Variants in SGCZ observed in about 807,000 individuals in gnomAD.
The protein encoded by SGCZ is zeta-sarcoglycan.
Under a neutral mutation model 41.3 loss-of-function variants are expected in SGCZ, and 40 were observed. The ratio of observed to expected loss-of-function variants is 0.97; its 90% CI spans 0.75 to 1.26. SGCZ has a LOEUF of 1.26. Among genes scored for constraint, SGCZ ranks in the 50% most tolerant of loss-of-function variants. The pLI is 0.00. For missense variants in SGCZ, 552 were observed against 369.8 expected (o/e 1.49, Z -4.04); for synonymous variants, 206 against 137.5 (o/e 1.50, Z -3.49).
chr8:14,609,001 A>G (rs151165433), intron 1 of SGCZ, among the ~76,000 whole-genome samples: 6 of 152,368 alleles, frequency 3.9e-5, no homozygotes, highest in Admixed American at 3.3e-4. Flanking sequence ...AAAATTTATT[A>G]TTATGTTGCA....
intron 2 of SGCZ, among the ~76,000 whole-genome samples, chr8:14,391,302 T>G (rs1414974738): frequency 6.6e-6 from 1 of 152,160 alleles, no homozygotes; most frequent in Non-Finnish European, 1.5e-5. Context: ...TTTTTTTTCC[T>G]TCTTATAAAA....
intron 1 of SGCZ, among the ~76,000 whole-genome samples, chr8:14,642,344 T>C (rs1334608847): frequency 6.6e-6 from 1 of 151,644 alleles, no homozygotes; most frequent in African/African-American, 2.4e-5. Context: ...CATCTCCTTG[T>C]TAAGTCAGAA....
At chr8:14,328,617 A>G (rs1432869184) in intron 2 of SGCZ, among the ~76,000 whole-genome samples, 3 of 152,156 alleles carry the variant, frequency 2.0e-5, no homozygotes, top group Non-Finnish European at 2.9e-5. Flanking sequence ...GTCTTATAAA[A>G]ACTCATGTTA....
At chr8:14,896,416 T>G (rs1404168988) in intron 1 of SGCZ, among the ~76,000 whole-genome samples, 1 of 151,404 alleles carries the variant, frequency 6.6e-6, no homozygotes, top group African/African-American at 2.4e-5. Flanking sequence ...CTACATTTCA[T>G]GTTGACTCAT....
At chr8:14,294,442 C>G (rs1468767438) in intron 3 of SGCZ, among the ~76,000 whole-genome samples, 2 of 151,882 alleles carry the variant, frequency 1.3e-5, no homozygotes, top group Non-Finnish European at 2.9e-5. Flanking sequence ...TGGAAACTTA[C>G]AACTAGAAAC....
chr8:14,247,361 T>C (rs369536122), intron 3 of SGCZ, among the ~76,000 whole-genome samples: 29 of 152,284 alleles, frequency 1.9e-4, no homozygotes, highest in African/African-American at 6.5e-4. Context: ...ACGGATGGTA[T>C]TGATGAATAT....
At chr8:14,390,256 G>A (rs1354307122) in intron 2 of SGCZ, among the ~76,000 whole-genome samples, 2 of 151,540 alleles carry the variant, frequency 1.3e-5, no homozygotes, top group Admixed American at 1.3e-4. Context: ...TATAGAAAGG[G>A]CAATAACATG....
intron 2 of SGCZ, among the ~76,000 whole-genome samples, chr8:14,461,896 C>T (rs781472590): frequency 1.4e-4 from 22 of 152,010 alleles, no homozygotes; most frequent in African/African-American, 2.4e-4. Flanking sequence ...CTGGACATAA[C>T]ATATTGATTT....
chr8:14,834,142 G>C (rs1314922678), intron 1 of SGCZ, among the ~76,000 whole-genome samples: 1 of 152,084 alleles, frequency 6.6e-6, no homozygotes, highest in Non-Finnish European at 1.5e-5. Flanking sequence ...TTCTCACTAT[G>C]TCATTGTAAA....
At chr8:14,446,061 C>A (rs963825181) in intron 2 of SGCZ, among the ~76,000 whole-genome samples, 1 of 152,108 alleles carries the variant, frequency 6.6e-6, no homozygotes, top group African/African-American at 2.4e-5. Context: ...AAGAAGGGGA[C>A]AAGAAAAATC....
At chr8:15,224,021 A>AT (rs1384653453) in intron 1 of SGCZ, among the ~76,000 whole-genome samples, 1 of 151,862 alleles carries the variant, frequency 6.6e-6, no homozygotes, top group African/African-American at 2.4e-5. Context: ...CACCCAGCTA[A>AT]TTTTTTGTAT....
intron 1 of SGCZ, among the ~76,000 whole-genome samples, chr8:14,791,027 T>C (rs1250651109): frequency 7.0e-6 from 1 of 142,084 alleles, no homozygotes; most frequent in South Asian, 2.2e-4. Flanking sequence ...TGAGACTCTG[T>C]CTCAAAAAAA....
At chr8:14,827,385 C>A (rs1480949464) in intron 1 of SGCZ, among the ~76,000 whole-genome samples, 2 of 151,950 alleles carry the variant, frequency 1.3e-5, no homozygotes, top group Non-Finnish European at 2.9e-5. Context: ...TACAGGCATG[C>A]ACCACCATGC....
At chr8:14,815,262 T>C (rs1225434641) in intron 1 of SGCZ, among the ~76,000 whole-genome samples, 1 of 151,238 alleles carries the variant, frequency 6.6e-6, no homozygotes, top group Non-Finnish European at 1.5e-5. Context: ...TTTTGAAATT[T>C]AGAAGCAAAT....
chr8:14,620,134 A>C (rs1201049501), intron 1 of SGCZ, among the ~76,000 whole-genome samples: 1 of 152,074 alleles, frequency 6.6e-6, no homozygotes, highest in Non-Finnish European at 1.5e-5. Context: ...AAATAATACC[A>C]CACATCTACA....
intron 1 of SGCZ, among the ~76,000 whole-genome samples, chr8:15,122,874 A>C (rs947017945): frequency 4.6e-5 from 7 of 152,186 alleles, no homozygotes; most frequent in African/African-American, 1.7e-4. Flanking sequence ...AAAATGCACA[A>C]ATGTGACATA....
rs1029105575 is a variant in SGCZ at position 14,246,191 on chromosome 8, C to A, written c.337-8512G>T. ...TATTCACAATAGCAAAGACTTGGAA[C>A]CAAACCAAATGTCCAACAATGATAG... On this transcript the variant is annotated intron_variant, in intron 3 of 7. Transcript: ENST00000382080. Among the ~76,000 whole-genome samples, 3 of 152,194 alleles carry A rather than the reference C, an allele frequency of 2.0e-5. 1 individual carries two copies. The Middle Eastern group carries it at 0.01, about 518-fold the overall frequency.
At chr8:14,927,731 A>G (rs1249926081) in intron 1 of SGCZ, among the ~76,000 whole-genome samples, 1 of 152,176 alleles carries the variant, frequency 6.6e-6, no homozygotes, top group Non-Finnish European at 1.5e-5. Flanking sequence ...GAAAAAGAAT[A>G]CATTCATTGA....
chr8:14,482,185 TA>T (rs1801553062), intron 2 of SGCZ, among the ~76,000 whole-genome samples: 1 of 152,188 alleles, frequency 6.6e-6, no homozygotes, highest in South Asian at 2.1e-4. Context: ...CTGGTTCTAA[TA>T]TCTAACTTCC....
Sources: allele counts gnomAD v4.1 joint callset (sites outside exome capture counted in the v4.1 genomes callset), GRCh38; gene constraint gnomAD v4.1.1; transcripts MANE v1.5; gene names NCBI Gene and HGNC (gene_info 2026-07-23, HGNC 2026-07-21).